ABCF3: variants seen among roughly 807,000 people sequenced by gnomAD.
ABCF3 encodes ATP binding cassette subfamily F member 3, also known as ATP-binding cassette sub-family F member 3.
Under a neutral mutation model 94.3 loss-of-function variants are expected in ABCF3, and 62 were observed. The ratio of observed to expected loss-of-function variants is 0.66; its 90% CI spans 0.54 to 0.81. The LOEUF is 0.81. Ranked by LOEUF, ABCF3 falls within the 40% of genes least tolerant of loss-of-function variation. The pLI is 0.00. For missense variants in ABCF3, 843 were observed against 925.3 expected, an observed-to-expected ratio of 0.91 and a Z score of 1.15; for synonymous variants, 355 against 361.1, an observed-to-expected ratio of 0.98 and a Z score of 0.19.
In ABCF3 at chr3:184,189,682, C is replaced by G; in HGVS notation, c.1239C>G (p.Ile413Met). 1 of 1,614,164 alleles carries G rather than the reference C, an allele frequency of 6.2e-7. No individual in the cohort carries two copies. The highest frequency in any genetic ancestry group is 8.5e-7 in the Non-Finnish European group (1 of 1,180,048). The change falls in exon 13 of 21, where the codon ATC (isoleucine) becomes ATG (methionine). Residue 413 changes from isoleucine (I) to methionine (M), a missense_variant. Ile to Met is a conservative substitution (Grantham distance 10). Coordinates refer to ENST00000429586, the MANE Select transcript of ABCF3 (RefSeq NM_018358.3). The part of the protein sequence containing the change: ...DGYRGDFETF[I>M]KSKQERLLNQ... ...ACCGGGGAGACTTTGAGACCTTCAT[C>G]AAGAGTAAGCAGGAGCGGCTGCTCA... is the stretch of plus-strand genomic sequence containing the variant.
intron 3 of ABCF3, 149 bp from the exon 4 acceptor site, chr3:184,187,248 T>C: frequency 1.2e-6 from 1 of 859,226 alleles, no homozygotes; most frequent in East Asian, 2.6e-5. Context: ...GTTTTGTTTT[T>C]AGTGCAGGGA....
rs761651285 is a variant in ABCF3, at chr3:184,189,770, G to A, written c.1314+13G>A. On this transcript the variant is annotated intron_variant, in intron 13 of 20. Transcript: ENST00000429586. ...CCAGCACATCCAGGTGTGGGGCCTG[G>A]CAGGGCTGGGGGTCCCATCCCAGGG... 1.2e-6 allele frequency: 2 copies of A among 1,613,878 alleles called. No individual in the cohort carries two copies. Among genetic ancestry groups the A allele is most frequent in the South Asian group, 2.2e-5 (2 of 91,080 alleles).
chr3:184,188,987 C>T lies in ABCF3; in HGVS notation c.976C>T (p.Arg326Trp), dbSNP rs142912170. Reference sequence around the variant, plus strand: ...CCCTAAAATGCAGCAGCAGCCCACCCGGTGAGTGACCCTTGCCATTCTTGG... The same window carrying T: ...CCCTAAAATGCAGCAGCAGCCCACCTGGTGAGTGACCCTTGCCATTCTTGG... ...FTPKMQQQPT[R>W]EFSGGWRMRL... Residue 326 changes from arginine (R) to tryptophan (W), a missense_variant and splice_region_variant, in exon 9 of 21, where the codon CGG becomes TGG. By Grantham distance (101) the Arg-to-Trp change is moderately radical. Transcript: ENST00000429586. 7.5e-5 allele frequency: 121 copies of T among 1,614,124 alleles called. No individual in the cohort carries two copies. Among genetic ancestry groups the T allele is most frequent in the South Asian group, 7.4e-4 (67 of 91,092 alleles).
At chr3:184,191,763 T>C (rs1318508723) in intron 16 of ABCF3, among the ~76,000 whole-genome samples, 1 of 150,444 alleles carries the variant, frequency 6.6e-6, no homozygotes, top group Non-Finnish European at 1.5e-5. Context: ...TTTTTTTTTT[T>C]CGGAGACAGA....
intron 12 of ABCF3, 24 bp from the exon 13 acceptor site, chr3:184,189,533 G>A: frequency 1.9e-6 from 3 of 1,613,930 alleles, no homozygotes; most frequent in Non-Finnish European, 2.5e-6. Flanking sequence ...CCCAAACCGG[G>A]CCTGCTGTCC....
chr3:184,188,832 C>G lies in ABCF3; in HGVS notation c.908C>G (p.Ala303Gly), dbSNP rs772971982. 8 of 1,613,878 alleles carry G rather than the reference C, an allele frequency of 5.0e-6. No homozygotes were observed. The highest frequency in any genetic ancestry group is 5.1e-6 in the Non-Finnish European group (6 of 1,179,936). ...AKLEEIEADK[A>G]PARASVILAG... ...CTGGAGGAGATTGAGGCTGACAAGG[C>G]ACCTGCCAGGTATTTAAAGCTCCCC... The change falls in exon 8 of 21, where the codon GCA becomes GGA. Residue 303 changes from alanine (A) to glycine (G), a missense_variant. Physicochemically the swap from Ala to Gly is moderately conservative, Grantham distance 60. Transcript: ENST00000429586.
rs984371565 is a variant in ABCF3, at chr3:184,193,252, A to G, written c.1883+18A>G. 3 of 1,577,270 alleles carry G rather than the reference A, an allele frequency of 1.9e-6. No individual in the cohort carries two copies. Among genetic ancestry groups the G allele is most frequent in the East Asian group, 4.5e-5 (2 of 44,656 alleles). On this transcript the variant is annotated intron_variant, in intron 19 of 20. Coordinates refer to ENST00000429586, the MANE Select transcript of ABCF3 (RefSeq NM_018358.3). The surrounding 1 kb of genome is among the most constrained non-coding windows in gnomAD (Gnocchi z 5.2). ...ATGCCCTGGTGAGGCCTCATTTTCC[A>G]GAGCTCTTCCCCTCCCATTTCCCCT...
chr3:184,191,640 G>T (rs912688310), intron 16 of ABCF3, among the ~76,000 whole-genome samples: 6 of 151,828 alleles, frequency 4.0e-5, no homozygotes, highest in Non-Finnish European at 5.9e-5. Context: ...TTAAGATGGC[G>T]CTGACATCTA....
chr3:184,191,357 G>A, intron 16 of ABCF3, 102 bp downstream of exon 16: 2 of 1,560,762 alleles, frequency 1.3e-6, no homozygotes, highest in Admixed American at 1.7e-5. Context: ...CGAGGTCTGT[G>A]GAACAGGAGT....
rs746747836 is a variant in ABCF3 at position 184,192,916 on chromosome 3, C to A, written c.1750+20C>A. ...TTCCTGGTGAGTTAGGGATTTGAGT[C>A]GGGGGAAGAGTTTGAGTAGGGAAGA... On this transcript the variant is annotated intron_variant, in intron 18 of 20. Transcript: ENST00000429586. The A allele has an allele frequency of 3.1e-6, 5 of 1,612,594 alleles. No homozygotes were observed. The highest frequency in any genetic ancestry group is 2.2e-5 in the South Asian group (2 of 90,894).
Position 184,189,094 on chromosome 3 carries a change from C to G in ABCF3, c.984C>G (p.Phe328Leu). ...TGACTCCATCATTCTTTAGGGAGTT[C>G]TCAGGTGGCTGGAGGATGAGGCTGG... ...PKMQQQPTRE[F>L]SGGWRMRLAL... Residue 328 changes from phenylalanine to leucine, a missense_variant, in exon 10 of 21, where the codon TTC (phenylalanine) becomes TTG (leucine). Physicochemically the swap from Phe to Leu is conservative, Grantham distance 22 (BLOSUM62 0). Transcript: ENST00000429586. 6.2e-7 allele frequency: 1 copy of G among 1,614,228 alleles called. No individual in the cohort carries two copies. Among genetic ancestry groups the G allele is most frequent in the Non-Finnish European group, 8.5e-7 (1 of 1,180,036 alleles).
In ABCF3 at chr3:184,193,800, GGGAC is replaced by G; in HGVS notation, c.*103_*106del. The G allele has an allele frequency of 7.4e-7, 1 of 1,342,688 alleles. No individual in the cohort carries two copies. The highest frequency in any genetic ancestry group is 2.5e-5 in the East Asian group (1 of 39,580). 83.2% of individuals were successfully genotyped at this position (1,342,688 alleles called of 1,614,324 possible). On this transcript the variant is annotated 3_prime_UTR_variant, in exon 21 of 21. Transcript: ENST00000429586. The surrounding 1 kb of genome is among the most constrained non-coding windows in gnomAD (Gnocchi z 5.2). The stretch of plus-strand genomic sequence containing the variant: ...CAGGCCGTGGACTTCCCCCAACTTG[GGGAC>G]AGCCTTATTCCCAAATGTCTCTATC...
chr3:184,189,985 C>T (rs895914681), intron 14 of ABCF3, 54 bp downstream of exon 14: 53 of 1,575,640 alleles, frequency 3.4e-5, no homozygotes, highest in Non-Finnish European at 4.1e-5. Flanking sequence ...CGTCTCCTTC[C>T]GCATTTGCAC....
intron 14 of ABCF3, 91 bp from the exon 15 acceptor site, chr3:184,190,908 C>T: frequency 6.8e-7 from 1 of 1,462,270 alleles, no homozygotes; most frequent in South Asian, 1.2e-5. Flanking sequence ...GGAGTACAAG[C>T]CCTTTCTAAG....
chr3:184,190,912 T>G (rs1350240755), intron 14 of ABCF3, 87 bp from the exon 15 acceptor site: 1 of 1,506,052 alleles, frequency 6.6e-7, no homozygotes. Context: ...TACAAGCCCT[T>G]TCTAAGTTTT....
At chr3:184,189,043 G>C (rs370370635) in intron 9 of ABCF3, 45 bp from the exon 10 acceptor site, 3 of 1,614,028 alleles carry the variant, frequency 1.9e-6, no homozygotes, top group Admixed American at 3.3e-5. Context: ...GCCCCTTCCT[G>C]CCCTGATGAA....
Position 184,193,210 on chromosome 3 carries a change from C to T in ABCF3, c.1859C>T (p.Ala620Val), listed in dbSNP as rs1716141499. Residue 620 changes from alanine (A) to valine (V), a missense_variant, in exon 19 of 21, where the codon GCC (alanine) becomes GTC (valine). Transcript: ENST00000429586. This position sits in a 1 kb window ranked among gnomAD's most constrained non-coding sequence, Gnocchi z 5.2. The part of the protein sequence containing the change: ...SLSGGQKSRV[A>V]FAQMTMPCPN... ...TCTGGGGGCCAGAAGAGCCGAGTGG[C>T]CTTTGCTCAGATGACTATGCCCTGG... is the stretch of plus-strand genomic sequence containing the variant. The T allele has an allele frequency of 1.9e-6, 3 of 1,564,196 alleles. No individual in the cohort carries two copies. The highest frequency in any genetic ancestry group is 2.6e-6 in the Non-Finnish European group (3 of 1,155,952).
intron 14 of ABCF3, 82 bp downstream of exon 14, chr3:184,190,013 A>G (rs969675339): frequency 3.4e-5 from 49 of 1,451,530 alleles, no homozygotes; most frequent in Non-Finnish European, 4.2e-5. Context: ...TTGCCCTACC[A>G]TTCTAGGTCT....
intron 16 of ABCF3, among the ~76,000 whole-genome samples, chr3:184,192,058 A>G (rs1280449482): frequency 6.6e-6 from 1 of 152,030 alleles, no homozygotes; most frequent in African/African-American, 2.4e-5. Context: ...AGTCCTTAAA[A>G]ATATTTTTTT....
Sources: allele counts gnomAD v4.1 joint callset (sites outside exome capture counted in the v4.1 genomes callset), GRCh38; gene constraint gnomAD v4.1.1; non-coding constraint Gnocchi (gnomAD v3.1); transcripts MANE v1.5; gene names NCBI Gene and HGNC (gene_info 2026-07-23, HGNC 2026-07-21).